Variants in PLXNA4 observed in about 807,000 individuals in gnomAD.
The protein encoded by PLXNA4 is plexin-A4.
A neutral mutation model predicts 191.8 loss-of-function variants in PLXNA4; 44 were observed. That is an observed-to-expected ratio of 0.23 (90% CI 0.18 to 0.29). The LOEUF (loss-of-function observed/expected upper bound fraction) is 0.29. Ranked by LOEUF, PLXNA4 falls within the 10% of genes least tolerant of loss-of-function variation. The probability of loss-of-function intolerance (pLI) is 1.00; values close to 1 mark genes in which losing one functional copy is unlikely to be tolerated. For synonymous variants in PLXNA4, 1,082 were observed against 1,009.5 expected (o/e 1.07, Z -1.36); for missense variants, 1,800 against 2,488.8 (o/e 0.72, Z 5.89).
intron 3 of PLXNA4, among the ~76,000 whole-genome samples, chr7:132,479,339 G>A (rs1797250121): frequency 6.6e-6 from 1 of 152,018 alleles, no homozygotes; most frequent in Non-Finnish European, 1.5e-5. Flanking sequence ...GTGTCAGAGG[G>A]CAGCCCCAAG....
chr7:132,187,817 T>A (rs943310037), intron 14 of PLXNA4, among the ~76,000 whole-genome samples: 2 of 152,176 alleles, frequency 1.3e-5, no homozygotes, highest in African/African-American at 4.8e-5. Context: ...TTAGTAATAG[T>A]AATACTAATA....
In PLXNA4 at chr7:132,408,662, C is replaced by T. The variant is rs111811503; in HGVS notation, c.1371+80630G>A. On this transcript the variant is annotated intron_variant, in intron 3 of 31. Transcript: ENST00000321063. ...TCTATTTTTAGTAGAGATGGGGTTT[C>T]GCCATGCTGGCCAGGCTGGTCTCGA... 5.2e-3 allele frequency among the ~76,000 whole-genome samples: 799 copies of T among 152,204 alleles called. 14 individuals are homozygous for T. The highest frequency in any genetic ancestry group is 0.018 in the African/African-American group (763 of 41,526).
intron 3 of PLXNA4, among the ~76,000 whole-genome samples, chr7:132,344,087 A>G (rs1803145626): frequency 6.6e-6 from 1 of 152,182 alleles, no homozygotes; most frequent in Admixed American, 6.5e-5. Flanking sequence ...GTGTCTTATC[A>G]GGATGACACC....
At chr7:132,229,006 A>T (rs1016795813) in intron 5 of PLXNA4, among the ~76,000 whole-genome samples, 2 of 152,158 alleles carry the variant, frequency 1.3e-5, no homozygotes, top group African/African-American at 4.8e-5. Context: ...ATGATCTCAT[A>T]GCACCTCGGA....
At position 132,638,818 on chromosome 7, in the gene PLXNA4, C is replaced by T. The variant is rs142346423; in HGVS notation, c.-87+7110G>A. On this transcript the variant is annotated intron_variant, in intron 2 of 4. Coordinates refer to the PLXNA4 transcript ENST00000378539. Reference sequence around the variant, plus strand: ...TTGAGCTTAGAGGGAGCAAGACATGCTCTGGTGTGTGTCTAGCCAGAATGT... The same window carrying T: ...TTGAGCTTAGAGGGAGCAAGACATGTTCTGGTGTGTGTCTAGCCAGAATGT... Among the ~76,000 whole-genome samples, 453 of 152,228 alleles carry T rather than the reference C, an allele frequency of 3.0e-3. 3 individuals carry two copies. Among genetic ancestry groups the T allele is most frequent in the African/African-American group, 0.01 (432 of 41,522 alleles).
At chr7:132,445,647 C>G (rs1322758629) in intron 3 of PLXNA4, among the ~76,000 whole-genome samples, 1 of 152,152 alleles carries the variant, frequency 6.6e-6, no homozygotes, top group Non-Finnish European at 1.5e-5. Flanking sequence ...AATATATGAT[C>G]TGGCTTCATT....
intron 1 of PLXNA4, among the ~76,000 whole-genome samples, chr7:132,534,029 AG>A (rs1228379089): frequency 6.6e-6 from 1 of 152,152 alleles, no homozygotes; most frequent in African/African-American, 2.4e-5. Flanking sequence ...TGAAGGCTGA[AG>A]AAAGGGAAAT....
chr7:132,445,694 T>C (rs1045828900), intron 3 of PLXNA4, among the ~76,000 whole-genome samples: 2 of 152,066 alleles, frequency 1.3e-5, no homozygotes, highest in East Asian at 1.9e-4. Context: ...CACTTCCCTG[T>C]ACAGAAAAAT....
chr7:132,406,607 T>C (rs952066672), intron 3 of PLXNA4, among the ~76,000 whole-genome samples: 3 of 152,160 alleles, frequency 2.0e-5, no homozygotes, highest in Non-Finnish European at 4.4e-5. Context: ...ATTTTTATCA[T>C]GTCTCAAATT....
intron 1 of PLXNA4, among the ~76,000 whole-genome samples, chr7:132,563,197 C>T (rs200595342): frequency 5.8e-5 from 4 of 69,332 alleles, no homozygotes; most frequent in Non-Finnish European, 9.3e-5. Flanking sequence ...CCTCCTCCTC[C>T]TCTTCCTCCT....
intron 3 of PLXNA4, among the ~76,000 whole-genome samples, chr7:132,310,658 G>A (rs1801692940): frequency 6.6e-6 from 1 of 152,160 alleles, no homozygotes; most frequent in African/African-American, 2.4e-5. Context: ...CTGTTGCTCA[G>A]CCCCCAGGCA....
chr7:132,383,489 G>C (rs1804983855), intron 3 of PLXNA4: 1 of 849,288 alleles, frequency 1.2e-6, no homozygotes, highest in African/African-American at 1.8e-5. Flanking sequence ...ACTACTGTTA[G>C]CATTTTGATG....
intron 3 of PLXNA4, among the ~76,000 whole-genome samples, chr7:132,369,332 C>A (rs1239711814): frequency 6.6e-6 from 1 of 152,096 alleles, no homozygotes; most frequent in Non-Finnish European, 1.5e-5. Flanking sequence ...GCATTTTTTC[C>A]CCTTCTCAGC....
chr7:132,534,729 C>T (rs1563156987), intron 1 of PLXNA4, among the ~76,000 whole-genome samples: 1 of 152,180 alleles, frequency 6.6e-6, no homozygotes, highest in African/African-American at 2.4e-5. Context: ...ATTTGTACCT[C>T]AAAAGACTGA....
intron 3 of PLXNA4, among the ~76,000 whole-genome samples, chr7:132,461,925 A>G (rs1229229961): frequency 1.3e-5 from 2 of 152,268 alleles, no homozygotes; most frequent in Non-Finnish European, 2.9e-5. Context: ...GGACAAATCA[A>G]AATTAAGAAA....
At chr7:132,461,253 T>TG in intron 3 of PLXNA4, among the ~76,000 whole-genome samples, 1 of 152,192 alleles carries the variant, frequency 6.6e-6, no homozygotes, top group Admixed American at 6.5e-5. Flanking sequence ...GGCCTCTTCC[T>TG]CTGATCCAGA....
chr7:132,418,435 G>C (rs1188618055), intron 3 of PLXNA4, among the ~76,000 whole-genome samples: 1 of 152,196 alleles, frequency 6.6e-6, no homozygotes, highest in Non-Finnish European at 1.5e-5. Context: ...TCCAGATCAA[G>C]ATGGATCCAG....
At chr7:132,275,033 T>C (rs1025160168) in intron 4 of PLXNA4, among the ~76,000 whole-genome samples, 4 of 152,192 alleles carry the variant, frequency 2.6e-5, no homozygotes, top group African/African-American at 4.8e-5. Flanking sequence ...TTTCCCTTTG[T>C]AGTTAATAAA....
At position 132,277,321 on chromosome 7, in the gene PLXNA4, A is replaced by T. The variant is rs1157485597; in HGVS notation, c.1503+20770T>A. Among the ~76,000 whole-genome samples, 3 of 152,168 alleles carry T rather than the reference A, an allele frequency of 2.0e-5. No homozygotes were observed. The South Asian group carries it at 6.2e-4, about 32-fold the overall frequency. On this transcript the variant is annotated intron_variant, in intron 4 of 31. Coordinates refer to ENST00000321063, the MANE Select transcript of PLXNA4 (RefSeq NM_020911.2). Reference sequence around the variant, plus strand: ...CATGTAAGTTCCTCCCACCTTCCCTAAATCAGTGTGAAGATGCATTTAAAT... The same window carrying T: ...CATGTAAGTTCCTCCCACCTTCCCTTAATCAGTGTGAAGATGCATTTAAAT...
Sources: gnomAD v4.1 joint callset for allele counts (sites outside exome capture counted in the v4.1 genomes callset) on GRCh38, gnomAD v4.1.1 for gene constraint, MANE v1.5 for transcripts, NCBI Gene and HGNC (gene_info 2026-07-23, HGNC 2026-07-21) for gene names.